The following CASP1 variants were observed in gnomAD, a reference collection of about 807,000 sequenced individuals.
CASP1 encodes caspase-1.
A neutral mutation model predicts 41.2 loss-of-function variants in CASP1; 31 were observed. The observed-to-expected ratio is 0.75, with a 90% confidence interval of 0.57 to 1.02. The LOEUF (loss-of-function observed/expected upper bound fraction) is 1.02, where lower values mean the gene tolerates loss of function less well. Among genes scored for constraint, CASP1 ranks in the 50% least tolerant of loss-of-function variants. The pLI is 0.00. For missense variants in CASP1, 490 were observed against 495.7 expected (o/e 0.99, Z 0.11); for synonymous variants, 163 against 166.5 (o/e 0.98, Z 0.16).
rs762666106 is a variant in CASP1 at position 105,033,057 on chromosome 11, G to A, written c.337+7C>T. 1 of 1,541,472 alleles carries A rather than the reference G, an allele frequency of 6.5e-7. No homozygotes were observed. The highest frequency in any genetic ancestry group is 9.0e-7 in the Non-Finnish European group (1 of 1,116,354). On this transcript the variant is annotated splice_region_variant and intron_variant, in intron 3 of 8. Transcript: ENST00000533400. ...AAAGAATGCTCTTCCTTTAAAAACA[G>A]CATTACCTGGAAAGGAAGAAAGTAC... is the stretch of plus-strand genomic sequence containing the variant.
chr11:105,026,999 G>GA, intron 7 of CASP1, 48 bp from the exon 8 acceptor site: 1 of 1,017,396 alleles, frequency 9.8e-7, no homozygotes, highest in Non-Finnish European at 1.6e-6. Flanking sequence ...CTTGCCTGAA[G>GA]AAAGAGAAGA....
upstream of CASP1, among the ~76,000 whole-genome samples, chr11:105,036,659 C>T (rs76252696): frequency 1.3e-5 from 2 of 152,124 alleles, no homozygotes; most frequent in African/African-American, 4.8e-5. Context: ...GATTCTGAGG[C>T]CTCCCCAGCC....
At chr11:105,033,170 T>C in intron 2 of CASP1, 44 bp from the exon 3 acceptor site, 1 of 1,204,022 alleles carries the variant, frequency 8.3e-7, no homozygotes, top group Non-Finnish European at 1.2e-6. Context: ...TTATCATCTC[T>C]GGAAAACTTT....
chr11:105,030,921 A>C, intron 4 of CASP1: 1 of 448,008 alleles, frequency 2.2e-6, no homozygotes, highest in East Asian at 3.9e-5. Context: ...AACAATGCCC[A>C]TTCTTAATAA....
In CASP1 at chr11:105,031,255, TG is replaced by T; in HGVS notation, c.362del (p.Pro121GlnfsTer18). On this transcript the variant is annotated frameshift_variant, in exon 4 of 9. Transcript: ENST00000533400. LOFTEE classifies it high-confidence loss of function. The part of the protein sequence containing the change: ...FPAPQAVQDN[P>X]AMPTSSGSEG... ...CTGAGCCTGAGGATGTGGGCATAGC[TG>T]GGTTGTCCTGCACTGCCTGAGGAGC... 6.2e-7 allele frequency: 1 copy of T among 1,610,760 alleles called. No homozygotes were observed. Among genetic ancestry groups the T allele is most frequent in the Non-Finnish European group, 8.5e-7 (1 of 1,177,226 alleles).
rs1168839070 is a variant in CASP1, at chr11:105,029,104, C to T, written c.1006+20G>A. Reference sequence around the variant, plus strand: ...CTATTGATAGCCCCAACAAAGATGTCCTGTGTAGAAACCTGTTACCTGGTG... The same window carrying T: ...CTATTGATAGCCCCAACAAAGATGTTCTGTGTAGAAACCTGTTACCTGGTG... On this transcript the variant is annotated intron_variant, in intron 7 of 8. Transcript: ENST00000533400. The T allele has an allele frequency of 6.2e-7, 1 of 1,607,770 alleles. No individual in the cohort carries two copies. Among genetic ancestry groups the T allele is most frequent in the Non-Finnish European group, 8.5e-7 (1 of 1,177,206 alleles).
Position 105,026,904 on chromosome 11 carries a change from TTC to T in CASP1, c.1052_1053del (p.Gly351GlufsTer4), listed in dbSNP as rs1199772105. ...RHPTMGSVFI[G>X]RLIEHMQEYA... Reference sequence around the variant, plus strand: ...TATTCTTGCATATGTTCAATGAGTCTTCCAATAAAAACAGAGCCCATTGTGGG... The same window carrying T: ...TATTCTTGCATATGTTCAATGAGTCTCAATAAAAACAGAGCCCATTGTGGG... On this transcript the variant is annotated frameshift_variant, in exon 8 of 9. Coordinates refer to ENST00000533400, the MANE Select transcript of CASP1 (RefSeq NM_001257118.3). LOFTEE classifies it high-confidence loss of function. 2 of 1,611,156 alleles carry T rather than the reference TTC, an allele frequency of 1.2e-6. No homozygotes were observed. Among genetic ancestry groups the T allele is most frequent in the Non-Finnish European group, 1.7e-6 (2 of 1,177,626 alleles).
Position 105,025,586 on chromosome 11 carries a change from G to T in CASP1, c.*672C>A. On this transcript the variant is annotated 3_prime_UTR_variant, in exon 9 of 9. Coordinates refer to ENST00000533400, the MANE Select transcript of CASP1 (RefSeq NM_001257118.3). ...CATAATTCCAAAAACCTTTACAGAAGGATCTCTTCACTTCCTATGAGAAAA... is the reference window on the plus strand; with the variant it reads ...CATAATTCCAAAAACCTTTACAGAATGATCTCTTCACTTCCTATGAGAAAA... The T allele has an allele frequency of 2.4e-6, 1 of 419,382 alleles. No individual in the cohort carries two copies. The allele number at this position is 419,382 out of a possible 1,614,324, so 26.0% of individuals were successfully genotyped here.
chr11:105,036,456 A>G (rs1864023771), upstream of CASP1, among the ~76,000 whole-genome samples: 1 of 152,134 alleles, frequency 6.6e-6, no homozygotes, highest in Admixed American at 6.6e-5. Context: ...AATTGTAATA[A>G]TCCTCATGTG....
At chr11:105,034,578 C>T (rs905120685) in intron 1 of CASP1, 104 bp from the exon 2 acceptor site, 2 of 1,540,080 alleles carry the variant, frequency 1.3e-6, no homozygotes, top group Non-Finnish European at 1.8e-6. Flanking sequence ...GTGAAATGTC[C>T]CCCTCCTCAC....
chr11:105,029,971 A>G, intron 5 of CASP1, 72 bp from the exon 6 acceptor site: 1 of 1,161,736 alleles, frequency 8.6e-7, no homozygotes, highest in Non-Finnish European at 1.3e-6. Context: ...GTCAATAAAT[A>G]AATACTTAAG....
At chr11:105,035,155 T>C, upstream of CASP1, 1 of 1,613,836 alleles carries the variant, frequency 6.2e-7, no homozygotes, top group South Asian at 1.1e-5. Context: ...AAACTGAAAG[T>C]ATGCTTCGCC....
At position 105,028,290 on chromosome 11, in the gene CASP1, C is replaced by T. The variant is rs553563181; in HGVS notation, c.1006+834G>A. Among the ~76,000 whole-genome samples, 4 of 152,228 alleles carry T rather than the reference C, an allele frequency of 2.6e-5. No individual in the cohort carries two copies. In the East Asian group the frequency reaches 7.7e-4, roughly 29 times the overall value. ...GAAAACTTAACTATTTGAGCAGAGA[C>T]AGGGCCTTTGGGCCAGAGGTGACCA... On this transcript the variant is annotated intron_variant, in intron 7 of 8. Coordinates refer to ENST00000533400, the MANE Select transcript of CASP1 (RefSeq NM_001257118.3).
At position 105,030,508 on chromosome 11, in the gene CASP1, A is replaced by G. The variant is rs994214999; in HGVS notation, c.454-5T>C. 2 of 1,608,174 alleles carry G rather than the reference A, an allele frequency of 1.2e-6. No individual in the cohort carries two copies. The highest frequency in any genetic ancestry group is 8.5e-7 in the Non-Finnish European group (1 of 1,177,302). ...CTTGTCCATTATTGGATAAATCTGT[A>G]GGAAATGCAATTTGAATGAACAGCC... On this transcript the variant is annotated splice_polypyrimidine_tract_variant and splice_region_variant and intron_variant, in intron 4 of 8. Transcript: ENST00000533400.
At chr11:105,032,609 A>G (rs75775137) in intron 3 of CASP1, among the ~76,000 whole-genome samples, 3,966 of 152,262 alleles carry the variant, frequency 0.026, 170 homozygotes, top group African/African-American at 0.088. Context: ...AAACTTGGCC[A>G]TGGGTTGAAT....
upstream of CASP1, among the ~76,000 whole-genome samples, chr11:105,036,535 A>G (rs1349298144): frequency 1.3e-5 from 2 of 152,114 alleles, no homozygotes; most frequent in East Asian, 1.9e-4. Context: ...TGTTCTCTTG[A>G]TAATGAATGT....
intron 2 of CASP1, among the ~76,000 whole-genome samples, chr11:105,033,466 A>C (rs1378204753): frequency 6.6e-6 from 1 of 152,212 alleles, no homozygotes. Context: ...TGCCACAGAC[A>C]TCAATGACTG....
In CASP1 at chr11:105,034,386, TG is replaced by T. The variant is rs1270696412; in HGVS notation, c.95del (p.Thr32LysfsTer4). ...CCATCTCTTCCTTGTTCAGCACCCT[TG>T]TCTGTAATAATTCATCCAGTAAGCC... The part of the protein sequence containing the change: ...INGLLDELLQ[T>X]RVLNKEEMEK... On this transcript the variant is annotated frameshift_variant, in exon 2 of 9. Transcript: ENST00000533400. LOFTEE classifies it high-confidence loss of function. 6.2e-7 allele frequency: 1 copy of T among 1,614,078 alleles called. No individual in the cohort carries two copies. The highest frequency in any genetic ancestry group is 2.2e-5 in the East Asian group (1 of 44,898).
chr11:105,034,013 G>C, intron 2 of CASP1, 195 bp downstream of exon 2: 1 of 920,702 alleles, frequency 1.1e-6, no homozygotes, highest in Non-Finnish European at 1.8e-6. Context: ...TTAATCAGAA[G>C]AGTGCCACTG....
Sources: allele counts gnomAD v4.1 joint callset (sites outside exome capture counted in the v4.1 genomes callset), GRCh38; gene constraint gnomAD v4.1.1; transcripts MANE v1.5; gene names NCBI Gene and HGNC (gene_info 2026-07-23, HGNC 2026-07-21).